ANKIB1: variants seen among roughly 807,000 people sequenced by gnomAD.
ANKIB1 encodes ankyrin repeat and IBR domain containing 1, also known as ankyrin repeat and IBR domain-containing protein 1.
ANKIB1 carries 43 observed loss-of-function variants against 122.1 expected under a neutral mutation model. The observed-to-expected ratio is 0.35, with a 90% CI of 0.28 to 0.45. The LOEUF (loss-of-function observed/expected upper bound fraction) is 0.45. Ranked by LOEUF, ANKIB1 falls within the 20% of genes least tolerant of loss-of-function variation. The probability of loss-of-function intolerance (pLI) is 1.00; values close to 1 mark genes in which losing one functional copy is unlikely to be tolerated. For missense variants in ANKIB1, 992 were observed against 1,329.5 expected (o/e 0.75, Z 3.95); for synonymous variants, 390 against 442.0 (o/e 0.88, Z 1.48).
chr7:92,401,339 A>G lies in ANKIB1; in HGVS notation c.*2390A>G, dbSNP rs1429455875. On this transcript the variant is annotated 3_prime_UTR_variant, in exon 20 of 20. Transcript: ENST00000265742. ...GATGTTTGGCCAAATGAATGCTGTT[A>G]ATAATATGTAAAATTCTTTGATTAA... 4 of 152,238 alleles carry G rather than the reference A, an allele frequency of 2.6e-5. No homozygotes were observed. Among genetic ancestry groups the G allele is most frequent in the Admixed American group, 1.3e-4 (2 of 15,282 alleles). 9.4% of individuals were successfully genotyped at this position (152,238 alleles called of 1,614,324 possible).
intron 9 of ANKIB1, among the ~76,000 whole-genome samples, chr7:92,357,428 G>A (rs1803839649): frequency 6.6e-6 from 1 of 151,976 alleles, no homozygotes; most frequent in African/African-American, 2.4e-5. Flanking sequence ...AACAGTCATT[G>A]GTTAAAATTT....
At chr7:92,264,488 C>T (rs1281057925) in intron 1 of ANKIB1, among the ~76,000 whole-genome samples, 2 of 152,054 alleles carry the variant, frequency 1.3e-5, no homozygotes, top group Non-Finnish European at 2.9e-5. Flanking sequence ...ACCTCCGCCT[C>T]CCAGCTTTAA....
At chr7:92,291,698 G>A (rs766318339) in intron 1 of ANKIB1, among the ~76,000 whole-genome samples, 7 of 149,348 alleles carry the variant, frequency 4.7e-5, no homozygotes, top group African/African-American at 7.4e-5. Context: ...TGCCGCAGCC[G>A]CCTGATTAGC....
At position 92,401,006 on chromosome 7, in the gene ANKIB1, A is replaced by G. The variant is rs2115739413; in HGVS notation, c.*2057A>G. 1 of 152,346 alleles carries G rather than the reference A, an allele frequency of 6.6e-6. No individual in the cohort carries two copies. Among genetic ancestry groups the G allele is most frequent in the South Asian group, 2.1e-4 (1 of 4,828 alleles). 9.4% of individuals were successfully genotyped at this position (152,346 alleles called of 1,614,324 possible). On this transcript the variant is annotated 3_prime_UTR_variant, in exon 20 of 20. Coordinates refer to ENST00000265742, the MANE Select transcript of ANKIB1 (RefSeq NM_019004.2). The stretch of plus-strand genomic sequence containing the variant: ...GTGAGAAAGAATGCTCTGTGTGAAG[A>G]CAGTGTACACAATGGGTTCCGGTTT...
rs145870093 is a variant in ANKIB1, at chr7:92,325,477, T to G, written c.670-2306T>G. Among the ~76,000 whole-genome samples the G allele has an allele frequency of 2.6e-5, 4 of 152,310 alleles. No homozygotes were observed. In the East Asian group the frequency reaches 7.7e-4, roughly 29 times the overall value. On this transcript the variant is annotated intron_variant, in intron 4 of 19. Transcript: ENST00000265742. ...AAAGAATCCTAAAAACTTTCCTGGC[T>G]ATTTTTTCCACCCTCCCTCCCAAGC... is the stretch of plus-strand genomic sequence containing the variant.
chr7:92,292,061 TC>T (rs1050883859), intron 1 of ANKIB1, among the ~76,000 whole-genome samples: 8 of 152,184 alleles, frequency 5.3e-5, no homozygotes, highest in Non-Finnish European at 7.3e-5. Flanking sequence ...ATTTTGGAGT[TC>T]CAGAAATATT....
chr7:92,362,013 A>T (rs932242347), intron 9 of ANKIB1, among the ~76,000 whole-genome samples, 172 bp from the exon 10 acceptor site: 2 of 151,608 alleles, frequency 1.3e-5, no homozygotes, highest in Admixed American at 1.3e-4. Context: ...GTTTCACCAT[A>T]TTGGCCAGGC....
intron 1 of ANKIB1, among the ~76,000 whole-genome samples, chr7:92,261,833 AT>A (rs778382168): frequency 2.0e-5 from 3 of 152,096 alleles, no homozygotes; most frequent in Non-Finnish European, 4.4e-5. Context: ...CATTTCAGGT[AT>A]TTTGCGCTAG....
In ANKIB1 at chr7:92,400,955, A is replaced by G. The variant is rs551497898; in HGVS notation, c.*2006A>G. On this transcript the variant is annotated 3_prime_UTR_variant, in exon 20 of 20. Coordinates refer to ENST00000265742, the MANE Select transcript of ANKIB1 (RefSeq NM_019004.2). The stretch of plus-strand genomic sequence containing the variant: ...AATATAGAGTCTTTGCATCACACTG[A>G]GGCATCTTGCACAGCTGCAGTTAAG... The G allele has an allele frequency of 9.5e-4, 144 of 152,344 alleles. No individual in the cohort carries two copies. The highest frequency in any genetic ancestry group is 3.3e-3 in the African/African-American group (136 of 41,578). 9.4% of individuals were successfully genotyped at this position (152,344 alleles called of 1,614,324 possible).
rs191158598 is a variant in ANKIB1, at chr7:92,271,374, A to G, written c.-90-23515A>G. Among the ~76,000 whole-genome samples the G allele has an allele frequency of 1.2e-3, 179 of 152,296 alleles. 1 individual carries two copies. Among genetic ancestry groups the G allele is most frequent in the African/African-American group, 4.1e-3 (169 of 41,564 alleles). On this transcript the variant is annotated intron_variant, in intron 1 of 19. Transcript: ENST00000265742. ...CTTAATTCTTGTGGTTTAGAGTAAG[A>G]CTTAAGATCAATTAGTGTGTTTCCT...
intron 11 of ANKIB1, among the ~76,000 whole-genome samples, chr7:92,381,305 G>A (rs1037859662): frequency 1.3e-5 from 2 of 152,134 alleles, no homozygotes; most frequent in Admixed American, 6.5e-5. Context: ...GAACCAAGCT[G>A]GAAAACACTC....
chr7:92,361,160 AAT>A (rs756649582), intron 9 of ANKIB1, among the ~76,000 whole-genome samples: 3 of 152,240 alleles, frequency 2.0e-5, no homozygotes, highest in Non-Finnish European at 4.4e-5. Context: ...TGTCCTATAC[AAT>A]ATAGCATCAT....
intron 1 of ANKIB1, among the ~76,000 whole-genome samples, chr7:92,287,088 A>C (rs990113329): frequency 2.0e-5 from 3 of 152,208 alleles, no homozygotes; most frequent in African/African-American, 7.2e-5. Context: ...GACTTATGGA[A>C]AGGTTGCAAA....
chr7:92,271,905 G>T (rs1562766960), intron 1 of ANKIB1, among the ~76,000 whole-genome samples: 1 of 152,106 alleles, frequency 6.6e-6, no homozygotes, highest in Non-Finnish European at 1.5e-5. Context: ...AATGATCAAA[G>T]AATTTATCCT....
Position 92,390,089 on chromosome 7 carries a change from A to G in ANKIB1, c.2025A>G (p.Thr675=). ...GATTTTTCTTGGAACCTAAAAGCAC[A>G]AAGAAAGAAATTTTTGAACTAATGC... ...PYGFFLEPKS[T]KKEIFELMQT... Residue 675 remains threonine, a synonymous_variant, in exon 15 of 20, where the codon ACA becomes ACG. Coordinates refer to ENST00000265742, the MANE Select transcript of ANKIB1 (RefSeq NM_019004.2). 6.3e-7 allele frequency: 1 copy of G among 1,584,728 alleles called. No individual in the cohort carries two copies. Among genetic ancestry groups the G allele is most frequent in the Admixed American group, 1.9e-5 (1 of 52,568 alleles).
chr7:92,361,558 T>A (rs556445095), intron 9 of ANKIB1, among the ~76,000 whole-genome samples: 1 of 152,154 alleles, frequency 6.6e-6, no homozygotes, highest in Non-Finnish European at 1.5e-5. Flanking sequence ...AAAATATTAA[T>A]GAGGATAAAA....
At chr7:92,292,413 T>C (rs1489343822) in intron 1 of ANKIB1, among the ~76,000 whole-genome samples, 6 of 152,204 alleles carry the variant, frequency 3.9e-5, no homozygotes, top group Non-Finnish European at 8.8e-5. Flanking sequence ...GAGTACTCCA[T>C]GATAACATTA....
At chr7:92,356,259 A>G (rs1397914380) in intron 9 of ANKIB1, among the ~76,000 whole-genome samples, 1 of 152,234 alleles carries the variant, frequency 6.6e-6, no homozygotes, top group Non-Finnish European at 1.5e-5. Flanking sequence ...AGCAATCTGT[A>G]TGTGTAGACC....
At chr7:92,299,791 CT>C (rs1280097981) in intron 2 of ANKIB1, among the ~76,000 whole-genome samples, 1 of 151,928 alleles carries the variant, frequency 6.6e-6, no homozygotes, top group East Asian at 1.9e-4. Flanking sequence ...AACAAAAACT[CT>C]TAGGAACCTA....
Sources: gnomAD v4.1 joint callset for allele counts (sites outside exome capture counted in the v4.1 genomes callset) on GRCh38, gnomAD v4.1.1 for gene constraint, MANE v1.5 for transcripts, NCBI Gene and HGNC (gene_info 2026-07-23, HGNC 2026-07-21) for gene names.